Variants in COL22A1 observed in about 807,000 individuals in gnomAD.
The protein encoded by COL22A1 is collagen alpha-1(XXII) chain.
COL22A1 carries 221 observed loss-of-function variants against 248.9 expected under a neutral mutation model. The ratio of observed to expected loss-of-function variants is 0.89; its 90% confidence interval spans 0.80 to 0.99. The LOEUF is 0.99. COL22A1 is among the 50% of genes least tolerant of loss of function. COL22A1 has a pLI of 0.00. For synonymous variants in COL22A1, 891 were observed against 793.4 expected (o/e 1.12, Z -2.07); for missense variants, 2,240 against 2,179.0 (o/e 1.03, Z -0.56).
At chr8:138,623,690 A>G (rs753424730) in intron 52 of COL22A1, 42 bp downstream of exon 52, 2 of 1,540,468 alleles carry the variant, frequency 1.3e-6, no homozygotes, top group Admixed American at 1.9e-5. Flanking sequence ...GACATGTAAT[A>G]GATTTGGCAT....
intron 3 of COL22A1, among the ~76,000 whole-genome samples, chr8:138,861,016 C>T (rs1355483091): frequency 1.3e-5 from 2 of 152,154 alleles, no homozygotes; most frequent in East Asian, 1.9e-4. Flanking sequence ...CTCTCATGCA[C>T]CTCCCCAGAT....
intron 16 of COL22A1, 141 bp from the exon 17 acceptor site, chr8:138,762,607 C>CAA: frequency 1.6e-6 from 1 of 636,464 alleles, no homozygotes; most frequent in East Asian, 3.0e-5. Flanking sequence ...CACACACACA[C>CAA]ACAACAGCCC....
chr8:138,598,495 C>A (rs544672564), intron 61 of COL22A1, among the ~76,000 whole-genome samples: 1 of 152,214 alleles, frequency 6.6e-6, no homozygotes, highest in Non-Finnish European at 1.5e-5. Context: ...AAGCTAGACA[C>A]GTTATTTCAC....
At chr8:138,591,800 A>C (rs938723789) in intron 63 of COL22A1, among the ~76,000 whole-genome samples, 5 of 152,180 alleles carry the variant, frequency 3.3e-5, no homozygotes, top group African/African-American at 9.7e-5. Context: ...GCACGTATCT[A>C]CCCAATTCCA....
intron 4 of COL22A1, among the ~76,000 whole-genome samples, chr8:138,839,361 T>C (rs1426317691): frequency 6.6e-6 from 1 of 152,088 alleles, no homozygotes; most frequent in Non-Finnish European, 1.5e-5. Flanking sequence ...TGGGCTTTTG[T>C]CGGCTCCATC....
intron 3 of COL22A1, among the ~76,000 whole-genome samples, chr8:138,844,632 C>T (rs1821103320): frequency 6.6e-6 from 1 of 152,180 alleles, no homozygotes; most frequent in Admixed American, 6.5e-5. Flanking sequence ...AAAGGTGATA[C>T]AGGCAGAGGG....
chr8:138,887,472 C>A (rs927955579), intron 1 of COL22A1, among the ~76,000 whole-genome samples: 4 of 152,200 alleles, frequency 2.6e-5, no homozygotes, highest in African/African-American at 9.7e-5. Flanking sequence ...CCCGCCTCGG[C>A]CTCCCAAAGG....
chr8:138,783,157 C>T (rs1410782167), intron 12 of COL22A1, among the ~76,000 whole-genome samples: 1 of 152,068 alleles, frequency 6.6e-6, no homozygotes, highest in Non-Finnish European at 1.5e-5. Flanking sequence ...GGCTGAACAC[C>T]ACCCCTCTGA....
At chr8:138,791,127 C>A (rs181780151) in intron 12 of COL22A1, among the ~76,000 whole-genome samples, 46 of 152,330 alleles carry the variant, frequency 3.0e-4, no homozygotes, top group Admixed American at 2.9e-3. Flanking sequence ...CTTTCACCTG[C>A]AATCTATGGG....
Position 138,659,613 on chromosome 8 carries a change from A to T in COL22A1, c.3285+823T>A, listed in dbSNP as rs181932407. On this transcript the variant is annotated intron_variant, in intron 44 of 64. Transcript: ENST00000303045. ...CTGCCTCCCACTCTCTCAGGCCAGCACATCCCCACTGCTCCTTCCCTAGAG... is the reference window on the plus strand; with the variant it reads ...CTGCCTCCCACTCTCTCAGGCCAGCTCATCCCCACTGCTCCTTCCCTAGAG... Among the ~76,000 whole-genome samples, 642 of 152,300 alleles carry T rather than the reference A, an allele frequency of 4.2e-3. 3 individuals carry two copies. The highest frequency in any genetic ancestry group is 0.014 in the African/African-American group (568 of 41,564).
intron 3 of COL22A1, among the ~76,000 whole-genome samples, chr8:138,847,104 T>C (rs544586314): frequency 5.3e-4 from 81 of 152,296 alleles, no homozygotes; most frequent in African/African-American, 1.9e-3. Context: ...GAGGGCACCA[T>C]ACTGAAGTCA....
At chr8:138,686,670 C>T (rs1312199616) in intron 37 of COL22A1, among the ~76,000 whole-genome samples, 1 of 152,134 alleles carries the variant, frequency 6.6e-6, no homozygotes, top group African/African-American at 2.4e-5. Flanking sequence ...CTCTGCTCAG[C>T]CAAGGAAAGG....
intron 11 of COL22A1, among the ~76,000 whole-genome samples, chr8:138,801,571 C>A (rs1398127335): frequency 2.6e-5 from 4 of 152,122 alleles, no homozygotes; most frequent in Non-Finnish European, 5.9e-5. Context: ...ATGGGCCAGG[C>A]ATTTTGTAAA....
chr8:138,906,951 G>A (rs1211802251), intron 1 of COL22A1, among the ~76,000 whole-genome samples: 1 of 152,114 alleles, frequency 6.6e-6, no homozygotes, highest in Non-Finnish European at 1.5e-5. Flanking sequence ...CCACACCTGG[G>A]CAAGACTTTC....
intron 22 of COL22A1, among the ~76,000 whole-genome samples, chr8:138,744,828 T>C (rs1341264624): frequency 6.6e-6 from 1 of 152,216 alleles, no homozygotes; most frequent in Non-Finnish European, 1.5e-5. Flanking sequence ...ATTTTTAAAA[T>C]GCATTCTTAA....
intron 47 of COL22A1, among the ~76,000 whole-genome samples, chr8:138,639,471 A>G (rs1821474772): frequency 6.6e-6 from 1 of 152,180 alleles, no homozygotes; most frequent in African/African-American, 2.4e-5. Flanking sequence ...ATAACAATCA[A>G]TGAAACAGAT....
chr8:138,734,912 T>C (rs11782522), intron 23 of COL22A1, among the ~76,000 whole-genome samples: 53,240 of 151,894 alleles, frequency 0.35, 9,701 homozygotes, highest in African/African-American at 0.44. Context: ...AAACTAACAC[T>C]GGAACAGAAA....
chr8:138,618,706 A>G (rs1006233467), intron 53 of COL22A1, among the ~76,000 whole-genome samples: 33 of 152,230 alleles, frequency 2.2e-4, no homozygotes, highest in African/African-American at 7.7e-4. Flanking sequence ...GATTTGCTAG[A>G]TAAAATCCAG....
intron 44 of COL22A1, among the ~76,000 whole-genome samples, chr8:138,657,539 ATT>A (rs1472122875): frequency 1.3e-5 from 2 of 152,200 alleles, no homozygotes; most frequent in Non-Finnish European, 2.9e-5. Context: ...CTTGGATACA[ATT>A]TCATTAACAT....
Sources: allele counts gnomAD v4.1 joint callset (sites outside exome capture counted in the v4.1 genomes callset), GRCh38; gene constraint gnomAD v4.1.1; transcripts MANE v1.5; gene names NCBI Gene and HGNC (gene_info 2026-07-23, HGNC 2026-07-21).